Variants in LRRFIP2 observed in about 807,000 individuals in gnomAD.
LRRFIP2 encodes LRR binding FLII interacting protein 2.
LRRFIP2 carries 109 observed loss-of-function variants against 125.9 expected under a neutral mutation model. The observed-to-expected ratio is 0.87, with a 90% CI of 0.74 to 1.01. The LOEUF is 1.01. Among genes scored for constraint, LRRFIP2 ranks in the 50% least tolerant of loss-of-function variants. The pLI is 0.00. For missense variants in LRRFIP2, 850 were observed against 862.3 expected, an observed-to-expected ratio of 0.99 and a Z score of 0.18; for synonymous variants, 291 against 293.1, an observed-to-expected ratio of 0.99 and a Z score of 0.07.
chr3:37,128,706 C>A (rs1395152440), intron 3 of LRRFIP2, among the ~76,000 whole-genome samples: 1 of 152,104 alleles, frequency 6.6e-6, no homozygotes, highest in African/African-American at 2.4e-5. Flanking sequence ...GTCTGAATGA[C>A]TTTACAGTGT....
At chr3:37,141,103 A>G (rs1254180698) in intron 2 of LRRFIP2, among the ~76,000 whole-genome samples, 1 of 152,160 alleles carries the variant, frequency 6.6e-6, no homozygotes. Context: ...GTGAGCTAAG[A>G]TTGCACCACT....
intron 15 of LRRFIP2, among the ~76,000 whole-genome samples, chr3:37,100,763 C>T (rs1484879694): frequency 6.6e-6 from 1 of 152,054 alleles, no homozygotes; most frequent in African/African-American, 2.4e-5. Flanking sequence ...ATTGTCCATA[C>T]TTATGGGGGA....
Position 37,072,309 on chromosome 3 carries a change from T to A in LRRFIP2, c.1464+481A>T, listed in dbSNP as rs138841637. On this transcript the variant is annotated intron_variant, in intron 21 of 27. Coordinates refer to ENST00000336686, the MANE Select transcript of LRRFIP2 (RefSeq NM_006309.4). The stretch of plus-strand genomic sequence containing the variant: ...TGAGGTCAGGAGTTGGAGACCAGCC[T>A]GGCTAACATGGTGAAACCCCGTCTC... 2.5e-3 allele frequency among the ~76,000 whole-genome samples: 382 copies of A among 152,072 alleles called. 5 individuals carry two copies. The highest frequency in any genetic ancestry group is 8.3e-3 in the East Asian group (43 of 5,168).
intron 21 of LRRFIP2, chr3:37,067,380 T>C (rs965428191): frequency 6.6e-6 from 1 of 152,178 alleles, no homozygotes; most frequent in Non-Finnish European, 1.5e-5. Context: ...ACACCCAAGG[T>C]AAGTAGTCTA....
intron 1 of LRRFIP2, among the ~76,000 whole-genome samples, chr3:37,163,932 A>T (rs2096410604): frequency 6.6e-6 from 1 of 152,178 alleles, no homozygotes; most frequent in Admixed American, 6.5e-5. Flanking sequence ...AGGTAGTGAG[A>T]CCACAGGTGT....
chr3:37,145,949 A>ATAAGGATTAAATGAATTAAT (rs2095847476), intron 2 of LRRFIP2, among the ~76,000 whole-genome samples: 1 of 152,378 alleles, frequency 6.6e-6, no homozygotes, highest in South Asian at 2.1e-4. Flanking sequence ...TGCAGATTTT[A>ATAAGGATTAAATGAATTAAT]TAAGGATTAA....
intron 25 of LRRFIP2, among the ~76,000 whole-genome samples, chr3:37,057,859 T>C (rs1195683126): frequency 6.6e-6 from 1 of 152,212 alleles, no homozygotes; most frequent in Non-Finnish European, 1.5e-5. Context: ...CTTCCTACTA[T>C]GGGAATTAGT....
intron 9 of LRRFIP2, 88 bp downstream of exon 9, chr3:37,110,903 G>C: frequency 8.3e-7 from 1 of 1,201,704 alleles, no homozygotes; most frequent in Admixed American, 1.9e-5. Flanking sequence ...TTACAGATTA[G>C]TTACAGCTAG....
In LRRFIP2 at chr3:37,060,326, T is replaced by G. The variant is rs2148682689; in HGVS notation, c.1750-1416A>C. On this transcript the variant is annotated intron_variant, in intron 24 of 27. Coordinates refer to ENST00000336686, the MANE Select transcript of LRRFIP2 (RefSeq NM_006309.4). This position sits in a 1 kb window ranked among gnomAD's most constrained non-coding sequence, Gnocchi z 4.1. Reference sequence around the variant, plus strand: ...TTTTGTTTTGTTTTGTTTGTTTGTTTGAGACAGGGTCTCGCTCTGTGGCCC... The same window carrying G: ...TTTTGTTTTGTTTTGTTTGTTTGTTGGAGACAGGGTCTCGCTCTGTGGCCC... Among the ~76,000 whole-genome samples, 1 of 152,242 alleles carries G rather than the reference T, an allele frequency of 6.6e-6. No individual in the cohort carries two copies. The highest frequency in any genetic ancestry group is 2.4e-5 in the African/African-American group (1 of 41,498).
At chr3:37,144,038 G>A (rs1001445390) in intron 2 of LRRFIP2, 2 of 152,518 alleles carry the variant, frequency 1.3e-5, no homozygotes, top group African/African-American at 4.8e-5. Context: ...TTGCTTACAG[G>A]TGTCAGCGCT....
At chr3:37,088,674 T>G (rs2093241516) in intron 18 of LRRFIP2, among the ~76,000 whole-genome samples, 2 of 152,050 alleles carry the variant, frequency 1.3e-5, no homozygotes, top group African/African-American at 4.8e-5. Flanking sequence ...CAGCCAGGCA[T>G]GGTGGTGCAC....
chr3:37,062,209 T>C (rs2088942998), intron 24 of LRRFIP2, among the ~76,000 whole-genome samples: 1 of 152,214 alleles, frequency 6.6e-6, no homozygotes. Flanking sequence ...CACACAAACC[T>C]TCTAACATAT....
chr3:37,132,517 T>C (rs886470620), intron 2 of LRRFIP2, among the ~76,000 whole-genome samples: 1 of 152,230 alleles, frequency 6.6e-6, no homozygotes, highest in Admixed American at 6.5e-5. Context: ...CTTCCCTTTG[T>C]TACTTAGCCA....
At chr3:37,132,635 T>C (rs2095456719) in intron 2 of LRRFIP2, among the ~76,000 whole-genome samples, 2 of 152,220 alleles carry the variant, frequency 1.3e-5, no homozygotes, top group South Asian at 2.1e-4. Flanking sequence ...GTTCTTTCTA[T>C]ACATTATTAC....
At chr3:37,131,509 C>A (rs1053813688) in intron 2 of LRRFIP2, among the ~76,000 whole-genome samples, 4 of 152,140 alleles carry the variant, frequency 2.6e-5, no homozygotes, top group Admixed American at 2.6e-4. Flanking sequence ...GCTTAATGTG[C>A]CACATGAAAC....
At chr3:37,071,734 CTT>C (rs2091218565) in intron 21 of LRRFIP2, among the ~76,000 whole-genome samples, 1 of 152,190 alleles carries the variant, frequency 6.6e-6, no homozygotes, top group South Asian at 2.1e-4. Context: ...CAGAACAAGA[CTT>C]TTCTTACATG....
Position 37,053,665 on chromosome 3 carries a change from A to T in LRRFIP2, c.*186T>A, listed in dbSNP as rs2086009760. 3 of 577,064 alleles carry T rather than the reference A, an allele frequency of 5.2e-6. No homozygotes were observed. The highest frequency in any genetic ancestry group is 9.3e-6 in the Non-Finnish European group (3 of 321,322). 35.7% of individuals were successfully genotyped at this position (577,064 alleles called of 1,614,324 possible). A position where few individuals can be genotyped will look rare whatever the true frequency, so the allele number is the denominator to read the frequency against. On this transcript the variant is annotated 3_prime_UTR_variant, in exon 28 of 28. Transcript: ENST00000336686. Reference sequence around the variant, plus strand: ...CTACCCTAGAATCAAACTACAACAAAATCCAAAGTGTTCATTCATGTAGAT... The same window carrying T: ...CTACCCTAGAATCAAACTACAACAATATCCAAAGTGTTCATTCATGTAGAT...
At chr3:37,135,352 G>A (rs922875454) in intron 2 of LRRFIP2, among the ~76,000 whole-genome samples, 14 of 151,394 alleles carry the variant, frequency 9.2e-5, no homozygotes, top group Admixed American at 2.0e-4. Flanking sequence ...CCAGCTACTC[G>A]CGAGCCTGAG....
At chr3:37,084,509 G>A (rs2149069549) in intron 18 of LRRFIP2, among the ~76,000 whole-genome samples, 1 of 151,388 alleles carries the variant, frequency 6.6e-6, no homozygotes, top group East Asian at 1.9e-4. Context: ...AAAAAAAAAA[G>A]TACAAAAATT....
Sources: allele counts gnomAD v4.1 joint callset (sites outside exome capture counted in the v4.1 genomes callset), GRCh38; gene constraint gnomAD v4.1.1; non-coding constraint Gnocchi (gnomAD v3.1); transcripts MANE v1.5; gene names NCBI Gene and HGNC (gene_info 2026-07-23, HGNC 2026-07-21).